Variants in RABGAP1L observed in about 807,000 individuals in gnomAD.
The protein encoded by RABGAP1L is RAB GTPase activating protein 1 like.
In RABGAP1L, 63 loss-of-function variants were observed where a neutral mutation model predicts 137.7. The observed-to-expected ratio is 0.46, with a 90% CI of 0.37 to 0.56. The LOEUF (loss-of-function observed/expected upper bound fraction) is 0.56. Ranked by LOEUF, RABGAP1L falls within the 20% of genes least tolerant of loss-of-function variation. The pLI, the probability that RABGAP1L is intolerant of heterozygous loss-of-function variation, is 0.00. For missense variants in RABGAP1L, 1,095 were observed against 1,244.0 expected (o/e 0.88, Z 1.80); for synonymous variants, 431 against 433.7 (o/e 0.99, Z 0.08).
At chr1:174,320,235 T>A (rs1679822245) in intron 11 of RABGAP1L, among the ~76,000 whole-genome samples, 1 of 152,224 alleles carries the variant, frequency 6.6e-6, no homozygotes, top group South Asian at 2.1e-4. Flanking sequence ...TTATGCCCTT[T>A]ATAACTCATC....
intron 1 of RABGAP1L, among the ~76,000 whole-genome samples, chr1:174,169,225 GTT>G (rs372991047): frequency 6.9e-6 from 1 of 145,132 alleles, no homozygotes; most frequent in African/African-American, 2.5e-5. Context: ...ATATAAAGGT[GTT>G]TTTTTTTTTT....
intron 13 of RABGAP1L, among the ~76,000 whole-genome samples, chr1:174,538,661 A>G (rs1665094855): frequency 6.6e-6 from 1 of 152,160 alleles, no homozygotes; most frequent in Non-Finnish European, 1.5e-5. Context: ...TAAAATTGTT[A>G]TGTTATCTTT....
chr1:174,270,223 G>A (rs1674439199), intron 7 of RABGAP1L, among the ~76,000 whole-genome samples: 1 of 151,326 alleles, frequency 6.6e-6, no homozygotes, highest in South Asian at 2.1e-4. Flanking sequence ...GCCAGGAAAA[G>A]ATTAGTGCAT....
intron 13 of RABGAP1L, among the ~76,000 whole-genome samples, chr1:174,493,586 G>A (rs1660462439): frequency 6.6e-6 from 1 of 151,952 alleles, no homozygotes. Flanking sequence ...TTGGGAGGCT[G>A]AGGTGGGTGG....
At chr1:174,557,421 C>T (rs1666947964) in intron 13 of RABGAP1L, among the ~76,000 whole-genome samples, 1 of 152,176 alleles carries the variant, frequency 6.6e-6, no homozygotes, top group South Asian at 2.1e-4. Context: ...ACCAGAGTAT[C>T]CTCCAGAAAT....
At chr1:174,987,761 T>C (rs2149397594) in intron 24 of RABGAP1L, among the ~76,000 whole-genome samples, 1 of 152,310 alleles carries the variant, frequency 6.6e-6, no homozygotes, top group East Asian at 1.9e-4. Context: ...TGCTGTTGTT[T>C]AGTGCTGTGT....
chr1:174,985,504 G>C (rs920488081), intron 24 of RABGAP1L, among the ~76,000 whole-genome samples: 2 of 152,192 alleles, frequency 1.3e-5, no homozygotes, highest in Non-Finnish European at 2.9e-5. Flanking sequence ...TTTAAGCCTG[G>C]AAGTCAGACT....
chr1:174,250,209 A>G (rs1263169483), intron 5 of RABGAP1L, among the ~76,000 whole-genome samples: 1 of 152,074 alleles, frequency 6.6e-6, no homozygotes, highest in Non-Finnish European at 1.5e-5. Flanking sequence ...CATTGATGAT[A>G]GTTTTTAGGT....
chr1:174,712,629 A>G (rs1680647730), intron 17 of RABGAP1L, among the ~76,000 whole-genome samples: 1 of 152,106 alleles, frequency 6.6e-6, no homozygotes, highest in Admixed American at 6.5e-5. Flanking sequence ...GAACCCACCA[A>G]TTCCGGACAC....
chr1:174,731,932 G>C (rs1280576622), intron 17 of RABGAP1L, among the ~76,000 whole-genome samples: 1 of 152,220 alleles, frequency 6.6e-6, no homozygotes, highest in Non-Finnish European at 1.5e-5. Flanking sequence ...GCTGGGCGTG[G>C]TGGTTCACAC....
chr1:174,770,905 T>G (rs559199735), intron 18 of RABGAP1L, among the ~76,000 whole-genome samples: 1 of 152,352 alleles, frequency 6.6e-6, no homozygotes, highest in East Asian at 1.9e-4. Flanking sequence ...GAGATGACAT[T>G]CTGTGTCCTG....
intron 20 of RABGAP1L, among the ~76,000 whole-genome samples, chr1:174,963,909 G>C (rs181460473): frequency 2.0e-5 from 3 of 152,202 alleles, no homozygotes; most frequent in Non-Finnish European, 2.9e-5. Flanking sequence ...AGTTTTTTAA[G>C]CGCTGAAAGA....
intron 13 of RABGAP1L, among the ~76,000 whole-genome samples, chr1:174,481,090 C>T (rs1211756723): frequency 6.6e-6 from 1 of 152,118 alleles, no homozygotes; most frequent in Non-Finnish European, 1.5e-5. Context: ...AACCTTCTGT[C>T]CTCTCAAACT....
chr1:174,599,497 T>C (rs1670256282), intron 13 of RABGAP1L, among the ~76,000 whole-genome samples: 1 of 152,238 alleles, frequency 6.6e-6, no homozygotes, highest in Non-Finnish European at 1.5e-5. Flanking sequence ...TTGAAGTACA[T>C]CATTTAGCTT....
At chr1:174,377,271 A>G (rs1685628919) in intron 12 of RABGAP1L, among the ~76,000 whole-genome samples, 1 of 152,200 alleles carries the variant, frequency 6.6e-6, no homozygotes, top group South Asian at 2.1e-4. Flanking sequence ...TTAAGATTTC[A>G]GTCATTCCCA....
intron 14 of RABGAP1L, among the ~76,000 whole-genome samples, chr1:174,648,741 GTCCTGAATA>G (rs1238796402): frequency 6.6e-6 from 1 of 152,064 alleles, no homozygotes; most frequent in Admixed American, 6.6e-5. Flanking sequence ...CTGAGTTCAA[GTCCTGAATA>G]TCCTTGTTAA....
At chr1:174,425,235 C>A (rs942627347) in intron 13 of RABGAP1L, among the ~76,000 whole-genome samples, 1 of 151,940 alleles carries the variant, frequency 6.6e-6, no homozygotes, top group African/African-American at 2.4e-5. Flanking sequence ...GTCTTTGTGT[C>A]TCAGCCCACA....
chr1:174,285,345 C>G (rs1675961374), intron 10 of RABGAP1L, among the ~76,000 whole-genome samples: 1 of 152,084 alleles, frequency 6.6e-6, no homozygotes, highest in South Asian at 2.1e-4. Flanking sequence ...GTGTATGGAT[C>G]TTTCACTGCC....
At chr1:174,297,231 T>TG (rs1033481390) in intron 10 of RABGAP1L, among the ~76,000 whole-genome samples, 1 of 152,210 alleles carries the variant, frequency 6.6e-6, no homozygotes, top group African/African-American at 2.4e-5. Context: ...GACATAGTGT[T>TG]GCAGGTTTTC....
Sources: allele counts gnomAD v4.1 joint callset (sites outside exome capture counted in the v4.1 genomes callset), GRCh38; gene constraint gnomAD v4.1.1; transcripts MANE v1.5; gene names NCBI Gene and HGNC (gene_info 2026-07-23, HGNC 2026-07-21).